FGGY: variants seen among roughly 807,000 people sequenced by gnomAD.
FGGY encodes FGGY carbohydrate kinase domain containing.
Under a neutral mutation model 71.3 loss-of-function variants are expected in FGGY, and 72 were observed. The ratio of observed to expected loss-of-function variants is 1.01; its 90% CI spans 0.84 to 1.23. The LOEUF is 1.23. FGGY is among the 50% of genes most tolerant of loss of function. The pLI, the probability that FGGY is intolerant of heterozygous loss-of-function variation, is 0.00. For missense variants in FGGY, 668 were observed against 682.3 expected (o/e 0.98, Z 0.23); for synonymous variants, 251 against 250.3 (o/e 1.00, Z -0.02).
At chr1:59,614,861 A>G (rs1490849512) in intron 9 of FGGY, among the ~76,000 whole-genome samples, 4 of 152,206 alleles carry the variant, frequency 2.6e-5, no homozygotes, top group Admixed American at 6.5e-5. Flanking sequence ...AATAACAGAC[A>G]AAGAGAGAGC....
rs529232607 is a variant in FGGY at position 59,491,368 on chromosome 1, C to G, written c.671-20943C>G. On this transcript the variant is annotated intron_variant, in intron 6 of 15. Coordinates refer to ENST00000303721, the MANE Select transcript of FGGY (RefSeq NM_018291.5). ...TGATGCATGAGCATGGAATGTCTTT[C>G]CATTTATTTTTATCCTCTTTAGTTT... Among the ~76,000 whole-genome samples the G allele has an allele frequency of 4.0e-5, 6 of 151,602 alleles. No individual in the cohort carries two copies. The East Asian group carries it at 7.8e-4, about 20-fold the overall frequency.
intron 5 of FGGY, among the ~76,000 whole-genome samples, chr1:59,404,330 C>T (rs74087445): frequency 0.041 from 6,300 of 152,060 alleles, 393 homozygotes; most frequent in African/African-American, 0.14. Context: ...GTGTAACAAA[C>T]CTGCACGGCA....
At chr1:59,591,390 A>T (rs1341452061) in intron 8 of FGGY, among the ~76,000 whole-genome samples, 1 of 152,212 alleles carries the variant, frequency 6.6e-6, no homozygotes, top group Non-Finnish European at 1.5e-5. Context: ...ATTCAGTGCC[A>T]TCCCCATCAA....
chr1:59,716,159 A>G (rs1303821281), intron 14 of FGGY, among the ~76,000 whole-genome samples: 1 of 152,232 alleles, frequency 6.6e-6, no homozygotes, highest in African/African-American at 2.4e-5. Context: ...TGAATCAAAC[A>G]GCCTGACTCC....
chr1:59,460,563 C>T (rs2092103460), intron 6 of FGGY, among the ~76,000 whole-genome samples: 1 of 152,232 alleles, frequency 6.6e-6, no homozygotes, highest in Admixed American at 6.5e-5. Flanking sequence ...TCTCCCAGCA[C>T]AGTGTTTGAG....
At chr1:59,732,928 C>G (rs953079369) in intron 14 of FGGY, among the ~76,000 whole-genome samples, 1 of 152,082 alleles carries the variant, frequency 6.6e-6, no homozygotes, top group Non-Finnish European at 1.5e-5. Flanking sequence ...GATGCACCTT[C>G]CCCCTGTTCC....
intron 5 of FGGY, among the ~76,000 whole-genome samples, chr1:59,384,856 A>T (rs2059901349): frequency 6.6e-6 from 1 of 152,198 alleles, no homozygotes; most frequent in African/African-American, 2.4e-5. Flanking sequence ...AGTAAGGAAG[A>T]TGAGGGTCTG....
intron 4 of FGGY, among the ~76,000 whole-genome samples, chr1:59,373,735 C>T (rs2058138465): frequency 6.6e-6 from 1 of 152,010 alleles, no homozygotes; most frequent in Non-Finnish European, 1.5e-5. Context: ...CAGAACAGAG[C>T]CCTCAGAAAT....
At chr1:59,303,115 T>G (rs1014165310) in intron 1 of FGGY, among the ~76,000 whole-genome samples, 2 of 152,226 alleles carry the variant, frequency 1.3e-5, no homozygotes, top group African/African-American at 4.8e-5. Context: ...CCTCATGTAC[T>G]CTTTCTTGGT....
At chr1:59,334,963 A>G (rs1429976114) in intron 2 of FGGY, among the ~76,000 whole-genome samples, 2 of 152,216 alleles carry the variant, frequency 1.3e-5, no homozygotes, top group African/African-American at 4.8e-5. Flanking sequence ...CCTCAGGAGC[A>G]ACCACTATTA....
At chr1:59,389,159 G>T (rs2060416748) in intron 5 of FGGY, among the ~76,000 whole-genome samples, 1 of 152,088 alleles carries the variant, frequency 6.6e-6, no homozygotes, top group South Asian at 2.1e-4. Flanking sequence ...TATTGGTTAG[G>T]CAGGTCTTGA....
At chr1:59,550,510 C>T (rs770983548) in intron 7 of FGGY, among the ~76,000 whole-genome samples, 1 of 152,048 alleles carries the variant, frequency 6.6e-6, no homozygotes, top group Non-Finnish European at 1.5e-5. Context: ...GAAATGAGGC[C>T]AGTCCTGCCC....
At chr1:59,652,375 C>T (rs2097171962) in intron 11 of FGGY, among the ~76,000 whole-genome samples, 2 of 150,238 alleles carry the variant, frequency 1.3e-5, no homozygotes, top group South Asian at 4.3e-4. Flanking sequence ...TTCTCCCCAT[C>T]ACTTTCAGGT....
At chr1:59,693,440 G>A (rs2097613542) in intron 14 of FGGY, among the ~76,000 whole-genome samples, 2 of 152,242 alleles carry the variant, frequency 1.3e-5, no homozygotes, top group African/African-American at 4.8e-5. Flanking sequence ...AGGTCGTTGT[G>A]ATGATTAAGT....
intron 8 of FGGY, among the ~76,000 whole-genome samples, chr1:59,580,318 G>A (rs1208582916): frequency 2.0e-5 from 3 of 152,100 alleles, no homozygotes; most frequent in Non-Finnish European, 4.4e-5. Flanking sequence ...CTCAAATGGA[G>A]GGTGCTTCCT....
intron 10 of FGGY, among the ~76,000 whole-genome samples, chr1:59,627,225 A>G (rs1411409407): frequency 1.3e-5 from 2 of 152,044 alleles, no homozygotes; most frequent in African/African-American, 2.4e-5. Flanking sequence ...TATTTTGACT[A>G]TATGCCATAT....
At chr1:59,759,154 C>T (rs893986780) in intron 15 of FGGY, among the ~76,000 whole-genome samples, 1 of 152,174 alleles carries the variant, frequency 6.6e-6, no homozygotes, top group African/African-American at 2.4e-5. Flanking sequence ...GCAAATTCCA[C>T]TTAACATGAT....
intron 5 of FGGY, among the ~76,000 whole-genome samples, chr1:59,450,633 A>G (rs1237873955): frequency 6.6e-6 from 1 of 152,128 alleles, no homozygotes; most frequent in Non-Finnish European, 1.5e-5. Context: ...TCACATTCTG[A>G]AAGTACAATC....
chr1:59,517,956 A>G (rs2094711901), intron 7 of FGGY, among the ~76,000 whole-genome samples: 1 of 152,168 alleles, frequency 6.6e-6, no homozygotes, highest in Admixed American at 6.5e-5. Flanking sequence ...ATGTTTGGAA[A>G]TCTGTCTCCT....
Sources: allele counts gnomAD v4.1 joint callset (sites outside exome capture counted in the v4.1 genomes callset), GRCh38; gene constraint gnomAD v4.1.1; transcripts MANE v1.5; gene names NCBI Gene and HGNC (gene_info 2026-07-23, HGNC 2026-07-21).